The following VAV3 variants were observed in gnomAD, a reference collection of about 807,000 sequenced individuals.
VAV3 encodes guanine nucleotide exchange factor VAV3.
Under a neutral mutation model 131.2 loss-of-function variants are expected in VAV3, and 94 were observed. The ratio of observed to expected loss-of-function variants is 0.72; its 90% CI spans 0.61 to 0.85. The LOEUF (loss-of-function observed/expected upper bound fraction) is 0.85, where lower values mean the gene tolerates loss of function less well. VAV3 is among the 40% of genes least tolerant of loss of function. VAV3 has a pLI of 0.00. For missense variants in VAV3, 939 were observed against 1,002.7 expected (o/e 0.94, Z 0.86); for synonymous variants, 349 against 342.0 (o/e 1.02, Z -0.22).
chr1:107,733,531 T>C (rs760745605), intron 15 of VAV3, among the ~76,000 whole-genome samples: 2 of 152,116 alleles, frequency 1.3e-5, no homozygotes, highest in Non-Finnish European at 2.9e-5. Flanking sequence ...ATAAACAGTG[T>C]AGAGAAGACC....
chr1:107,728,821 A>G (rs972106338), intron 15 of VAV3, among the ~76,000 whole-genome samples: 1 of 152,158 alleles, frequency 6.6e-6, no homozygotes, highest in Non-Finnish European at 1.5e-5. Context: ...CGAGGGCGCA[A>G]CTATAGAATT....
chr1:107,822,710 A>T (rs1667852213), intron 2 of VAV3, among the ~76,000 whole-genome samples: 1 of 151,828 alleles, frequency 6.6e-6, no homozygotes. Context: ...TAATTAAATG[A>T]TCTCTTCGAA....
intron 2 of VAV3, among the ~76,000 whole-genome samples, chr1:107,809,861 T>C (rs1017751653): frequency 6.6e-6 from 1 of 152,178 alleles, no homozygotes; most frequent in East Asian, 1.9e-4. Context: ...TTGTACATTA[T>C]AGCAAAGAGA....
intron 1 of VAV3, among the ~76,000 whole-genome samples, chr1:107,881,745 A>T (rs1192664514): frequency 6.6e-6 from 1 of 152,230 alleles, no homozygotes; most frequent in Non-Finnish European, 1.5e-5. Context: ...ATTATAAATC[A>T]GGCCAAAGCT....
At chr1:107,678,502 C>T (rs1658376138) in intron 19 of VAV3, among the ~76,000 whole-genome samples, 1 of 152,056 alleles carries the variant, frequency 6.6e-6, no homozygotes, top group Non-Finnish European at 1.5e-5. Flanking sequence ...TAGATAAGTG[C>T]ATTTGAAAAC....
chr1:107,587,857 G>T (rs960449378), intron 25 of VAV3, among the ~76,000 whole-genome samples: 1 of 152,164 alleles, frequency 6.6e-6, no homozygotes, highest in Non-Finnish European at 1.5e-5. Context: ...CTCTCAAAGT[G>T]CTGGGGATTA....
chr1:107,689,773 G>A (rs577469198), intron 17 of VAV3, among the ~76,000 whole-genome samples: 1 of 152,212 alleles, frequency 6.6e-6, no homozygotes, highest in Non-Finnish European at 1.5e-5. Flanking sequence ...AACACATAAC[G>A]TTTCAGAAGA....
rs1664368535 is a variant in VAV3 at position 107,760,834 on chromosome 1, A to C, written c.967T>G (p.Leu323Val). Residue 323 changes from leucine to valine, a missense_variant, in exon 10 of 27, where the codon TTG (leucine) becomes GTG (valine). Coordinates refer to ENST00000370056, the MANE Select transcript of VAV3 (RefSeq NM_006113.5). ...ACACGTTGCATAGGAACCACAAGCA[A>C]GTCTCGAAGAGTAAATTTCCCATTA... ...ANNGKFTLRDLLVVPMQRVLK... is the reference protein window; with the variant it reads ...ANNGKFTLRDVLVVPMQRVLK... 6.2e-7 allele frequency: 1 copy of C among 1,613,910 alleles called. No homozygotes were observed. Among genetic ancestry groups the C allele is most frequent in the East Asian group, 2.2e-5 (1 of 44,836 alleles).
At chr1:107,719,443 C>G (rs926961179) in intron 15 of VAV3, among the ~76,000 whole-genome samples, 4 of 152,228 alleles carry the variant, frequency 2.6e-5, no homozygotes, top group South Asian at 2.1e-4. Flanking sequence ...TTTATGCAGC[C>G]AACAGACATA....
chr1:107,872,285 T>C (rs1241853334), intron 2 of VAV3, among the ~76,000 whole-genome samples: 1 of 152,160 alleles, frequency 6.6e-6, no homozygotes, highest in African/African-American at 2.4e-5. Flanking sequence ...TATTAAGCAC[T>C]CTGAAAACTT....
intron 14 of VAV3, 99 bp downstream of exon 14, chr1:107,749,363 T>A (rs1387189977): frequency 7.6e-7 from 1 of 1,317,920 alleles, no homozygotes; most frequent in Non-Finnish European, 1.0e-6. Flanking sequence ...CAAAAACATC[T>A]GGATTGATAA....
intron 2 of VAV3, among the ~76,000 whole-genome samples, chr1:107,781,476 A>G (rs1162180398): frequency 1.3e-5 from 2 of 152,198 alleles, no homozygotes; most frequent in Admixed American, 6.5e-5. Flanking sequence ...CACAATGTAT[A>G]CATATTTCAA....
intron 2 of VAV3, among the ~76,000 whole-genome samples, chr1:107,816,984 T>C (rs1051923128): frequency 7.2e-5 from 11 of 152,200 alleles, no homozygotes; most frequent in Admixed American, 2.6e-4. Context: ...CAGTTCAGTA[T>C]ACCACACACC....
chr1:107,928,874 G>C (rs1673283745), intron 1 of VAV3, among the ~76,000 whole-genome samples: 1 of 151,988 alleles, frequency 6.6e-6, no homozygotes, highest in Non-Finnish European at 1.5e-5. Context: ...CCAATGTAGA[G>C]AAAGATATCG....
At chr1:107,891,351 A>ATAC (rs2101060782) in intron 1 of VAV3, among the ~76,000 whole-genome samples, 1 of 152,294 alleles carries the variant, frequency 6.6e-6, no homozygotes, top group East Asian at 1.9e-4. Context: ...ACCAAATTCT[A>ATAC]TACTAACAGA....
At chr1:107,583,098 T>C (rs1410640607) in intron 25 of VAV3, among the ~76,000 whole-genome samples, 2 of 152,202 alleles carry the variant, frequency 1.3e-5, no homozygotes, top group Non-Finnish European at 2.9e-5. Context: ...TTTTAATGAT[T>C]CCCATTCTAA....
chr1:107,770,740 A>T lies in VAV3; in HGVS notation c.556-12T>A, dbSNP rs372566687. ...TTTTCTGGACATTTCTGCAGTTAGA[A>T]TTATCAAAATAAAATGATTTAATAA... On this transcript the variant is annotated splice_polypyrimidine_tract_variant and intron_variant, in intron 5 of 26. Transcript: ENST00000370056. 23 of 1,584,316 alleles carry T rather than the reference A, an allele frequency of 1.5e-5. No homozygotes were observed. Among genetic ancestry groups the T allele is most frequent in the Non-Finnish European group, 2.0e-5 (23 of 1,161,214 alleles).
At chr1:107,894,037 A>G (rs1436282909) in intron 1 of VAV3, among the ~76,000 whole-genome samples, 1 of 152,210 alleles carries the variant, frequency 6.6e-6, no homozygotes, top group Non-Finnish European at 1.5e-5. Flanking sequence ...AACCAGTCAA[A>G]GCACACACAG....
chr1:107,822,640 G>A (rs1337537471), intron 2 of VAV3, among the ~76,000 whole-genome samples: 6 of 148,986 alleles, frequency 4.0e-5, no homozygotes, highest in South Asian at 2.1e-4. Context: ...GGGAGACAGC[G>A]AGACTCCATC....
Sources: allele counts gnomAD v4.1 joint callset (sites outside exome capture counted in the v4.1 genomes callset), GRCh38; gene constraint gnomAD v4.1.1; transcripts MANE v1.5; gene names NCBI Gene and HGNC (gene_info 2026-07-23, HGNC 2026-07-21).